RPA3: variants seen among roughly 807,000 people sequenced by gnomAD.
RPA3 encodes replication protein A 14 kDa subunit.
A neutral mutation model predicts 13.7 loss-of-function variants in RPA3; 24 were observed. The ratio of observed to expected loss-of-function variants is 1.75; its 90% CI spans 1.27 to 2.46. The LOEUF is 2.46. Among genes scored for constraint, RPA3 ranks in the 30% most tolerant of loss-of-function variants. The pLI is 0.00. For synonymous variants in RPA3, 59 were observed against 51.2 expected (o/e 1.15, Z -0.65); for missense variants, 183 against 151.0 (o/e 1.21, Z -1.11).
intron 4 of RPA3, among the ~76,000 whole-genome samples, chr7:7,683,062 G>C (rs1221843837): frequency 6.6e-6 from 1 of 152,198 alleles, no homozygotes; most frequent in African/African-American, 2.4e-5. Context: ...TGAATGTACA[G>C]TGAAAGGCAA....
At chr7:7,648,112 C>A (rs555842523) in intron 4 of RPA3, among the ~76,000 whole-genome samples, 2 of 152,292 alleles carry the variant, frequency 1.3e-5, no homozygotes, top group South Asian at 4.1e-4. Context: ...TAAAAACAGG[C>A]TGATACCAGC....
chr7:7,676,330 C>T (rs150197283), intron 4 of RPA3: 4 of 392,386 alleles, frequency 1.0e-5, no homozygotes, highest in African/African-American at 6.2e-5. Flanking sequence ...TTAGAAAAAC[C>T]CTGTGAGTGA....
chr7:7,685,788 G>A (rs958257765), intron 4 of RPA3, 42 bp downstream of exon 4: 1 of 152,094 alleles, frequency 6.6e-6, no homozygotes, highest in Non-Finnish European at 1.5e-5. Flanking sequence ...AAATTTAAGT[G>A]TTTTCTTCCT....
At chr7:7,665,662 C>T (rs946652062) in intron 4 of RPA3, among the ~76,000 whole-genome samples, 9 of 152,158 alleles carry the variant, frequency 5.9e-5, no homozygotes, top group African/African-American at 2.2e-4. Flanking sequence ...CCTGCTACTC[C>T]CTTGTCATCC....
chr7:7,675,615 A>G (rs1273539988), intron 4 of RPA3, among the ~76,000 whole-genome samples: 1 of 152,168 alleles, frequency 6.6e-6, no homozygotes, highest in Non-Finnish European at 1.5e-5. Context: ...TTAAGAAGGA[A>G]TTTCCGGGAC....
At chr7:7,683,751 T>C (rs185861345) in intron 4 of RPA3, among the ~76,000 whole-genome samples, 8 of 152,162 alleles carry the variant, frequency 5.3e-5, no homozygotes, top group Admixed American at 3.9e-4. Context: ...GCCTCCCAAG[T>C]AGCTGGGATT....
chr7:7,640,006 GTAAAC>G (rs1784927501), intron 5 of RPA3: 1 of 370,604 alleles, frequency 2.7e-6, no homozygotes, highest in African/African-American at 2.1e-5. Context: ...TCACGTCTGA[GTAAAC>G]TAAGAAATCT....
Position 7,640,850 on chromosome 7 carries a change from C to T in RPA3, c.-432G>A, listed in dbSNP as rs1314734139. On this transcript the variant is annotated 5_prime_UTR_variant, in exon 5 of 8. Coordinates refer to ENST00000223129, the MANE Select transcript of RPA3 (RefSeq NM_002947.5). Reference sequence around the variant, plus strand: ...CCTCGTCTCGCGGGAGGCGCCGCAACCTTACTGTTTCCCCATTCTTCCCGC... The same window carrying T: ...CCTCGTCTCGCGGGAGGCGCCGCAATCTTACTGTTTCCCCATTCTTCCCGC... The T allele has an allele frequency of 2.1e-5, 4 of 191,564 alleles. No homozygotes were observed. Among genetic ancestry groups the T allele is most frequent in the Non-Finnish European group, 4.4e-5 (4 of 90,760 alleles). 11.9% of individuals were successfully genotyped at this position (191,564 alleles called of 1,614,324 possible).
At chr7:7,637,994 C>T (rs201435248) in intron 6 of RPA3, 22 bp from the exon 7 acceptor site, 37 of 1,573,476 alleles carry the variant, frequency 2.4e-5, no homozygotes, top group Admixed American at 2.0e-4. Context: ...AACAAGACAT[C>T]GATTTGGTGA....
chr7:7,704,058 C>G (rs376308480), intron 2 of RPA3, among the ~76,000 whole-genome samples: 9 of 152,094 alleles, frequency 5.9e-5, no homozygotes, highest in African/African-American at 1.7e-4. Flanking sequence ...TGATGGAATC[C>G]CAGACATCTT....
At chr7:7,645,027 C>T (rs1785063116) in intron 4 of RPA3, among the ~76,000 whole-genome samples, 1 of 151,972 alleles carries the variant, frequency 6.6e-6, no homozygotes, top group Non-Finnish European at 1.5e-5. Context: ...TAGATTTATT[C>T]CTAGATACCT....
At chr7:7,702,856 T>G (rs1054608705) in intron 2 of RPA3, among the ~76,000 whole-genome samples, 4 of 152,218 alleles carry the variant, frequency 2.6e-5, no homozygotes, top group Non-Finnish European at 5.9e-5. Context: ...TCAACCAGTT[T>G]GTTTGCTGAT....
chr7:7,709,347 C>A (rs1044473577), intron 2 of RPA3, among the ~76,000 whole-genome samples: 1 of 152,180 alleles, frequency 6.6e-6, no homozygotes, highest in African/African-American at 2.4e-5. Context: ...TAATTCAAGT[C>A]AGGAAGGCTC....
chr7:7,642,272 C>G lies in RPA3; in HGVS notation c.-757-1097G>C, dbSNP rs748354040. On this transcript the variant is annotated intron_variant, in intron 4 of 7. Transcript: ENST00000223129. The stretch of plus-strand genomic sequence containing the variant: ...ACCTCAGCCTGCCAAGTAGCTGGGA[C>G]TATAAGCACATACCACCACACCCAG... 1.1e-3 allele frequency among the ~76,000 whole-genome samples: 74 copies of G among 68,996 alleles called. 1 individual carries two copies. Among genetic ancestry groups the G allele is most frequent in the Middle Eastern group, 0.012 (2 of 166 alleles). 45.3% of individuals were successfully genotyped at this position (68,996 alleles called of 152,430 possible).
At chr7:7,704,235 T>C (rs760390426) in intron 2 of RPA3, among the ~76,000 whole-genome samples, 1 of 152,204 alleles carries the variant, frequency 6.6e-6, no homozygotes, top group Non-Finnish European at 1.5e-5. Flanking sequence ...TTTTACTACC[T>C]TTCTTTTTGT....
intron 4 of RPA3, among the ~76,000 whole-genome samples, chr7:7,645,450 A>T (rs1785071936): frequency 6.6e-6 from 1 of 152,162 alleles, no homozygotes; most frequent in African/African-American, 2.4e-5. Flanking sequence ...ATCTAGTTCC[A>T]TATTTATGGT....
chr7:7,693,510 T>C (rs891464717), intron 2 of RPA3, among the ~76,000 whole-genome samples: 15 of 152,150 alleles, frequency 9.9e-5, no homozygotes, highest in African/African-American at 3.4e-4. Context: ...TTTTCCTGGA[T>C]GTCGATAGTT....
chr7:7,686,926 A>G (rs1032754812), intron 3 of RPA3, among the ~76,000 whole-genome samples: 8 of 152,176 alleles, frequency 5.3e-5, no homozygotes, highest in East Asian at 1.9e-4. Context: ...GAATGTGGAT[A>G]TGATGATTAT....
chr7:7,693,533 A>G (rs1025486933), intron 2 of RPA3, among the ~76,000 whole-genome samples: 1 of 152,118 alleles, frequency 6.6e-6, no homozygotes, highest in Non-Finnish European at 1.5e-5. Context: ...TTTATTCTCA[A>G]AAGAGCTTCA....
Sources: gnomAD v4.1 joint callset for allele counts (sites outside exome capture counted in the v4.1 genomes callset) on GRCh38, gnomAD v4.1.1 for gene constraint, MANE v1.5 for transcripts, NCBI Gene and HGNC (gene_info 2026-07-23, HGNC 2026-07-21) for gene names.